Variants in MACROD2 observed in about 807,000 individuals in gnomAD.
MACROD2 encodes ADP-ribose glycohydrolase MACROD2.
Under a neutral mutation model 70.4 loss-of-function variants are expected in MACROD2, and 36 were observed. The ratio of observed to expected loss-of-function variants is 0.51; its 90% CI spans 0.39 to 0.68. MACROD2 has a LOEUF of 0.68. Among genes scored for constraint, MACROD2 ranks in the 30% least tolerant of loss-of-function variants. The pLI, the probability that MACROD2 is intolerant of heterozygous loss-of-function variation, is 0.00. For missense variants in MACROD2, 496 were observed against 538.4 expected, an observed-to-expected ratio of 0.92 and a Z score of 0.78; for synonymous variants, 172 against 178.8, an observed-to-expected ratio of 0.96 and a Z score of 0.30.
intron 4 of MACROD2, among the ~76,000 whole-genome samples, chr20:14,561,894 A>G (rs961895952): frequency 2.6e-5 from 4 of 151,948 alleles, no homozygotes. Context: ...AACAATTGGT[A>G]TGAGAAACAT....
intron 6 of MACROD2, among the ~76,000 whole-genome samples, chr20:15,361,434 C>A (rs899824098): frequency 6.6e-6 from 1 of 152,090 alleles, no homozygotes; most frequent in Non-Finnish European, 1.5e-5. Flanking sequence ...TGTGTCAGCC[C>A]CTCTGTCAAT....
intron 8 of MACROD2, among the ~76,000 whole-genome samples, chr20:15,690,744 C>T (rs1186384556): frequency 1.3e-5 from 2 of 152,126 alleles, no homozygotes; most frequent in Non-Finnish European, 2.9e-5. Flanking sequence ...TGTGGTCTTG[C>T]CTCTAAAAAC....
At chr20:15,386,712 CA>C (rs949640444) in intron 6 of MACROD2, among the ~76,000 whole-genome samples, 44 of 152,280 alleles carry the variant, frequency 2.9e-4, no homozygotes, top group Admixed American at 1.5e-3. Context: ...ATGTTCCTTC[CA>C]GGGGTGGGCC....
chr20:14,141,429 C>A (rs1569177012), intron 3 of MACROD2, among the ~76,000 whole-genome samples: 1 of 152,130 alleles, frequency 6.6e-6, no homozygotes, highest in Admixed American at 6.5e-5. Flanking sequence ...AGGAGATACA[C>A]CTATAATGCA....
At chr20:15,139,277 T>C (rs965783491) in intron 5 of MACROD2, among the ~76,000 whole-genome samples, 1 of 152,194 alleles carries the variant, frequency 6.6e-6, no homozygotes, top group Non-Finnish European at 1.5e-5. Context: ...AGGGAGTATA[T>C]AAATTGTCTT....
At chr20:15,429,856 G>A (rs2046342825) in intron 6 of MACROD2, among the ~76,000 whole-genome samples, 1 of 151,944 alleles carries the variant, frequency 6.6e-6, no homozygotes, top group African/African-American at 2.4e-5. Flanking sequence ...TGAAGACTAG[G>A]CTTTTAGTGT....
chr20:15,904,505 T>C (rs1294560452), intron 10 of MACROD2, among the ~76,000 whole-genome samples: 1 of 152,218 alleles, frequency 6.6e-6, no homozygotes, highest in Non-Finnish European at 1.5e-5. Flanking sequence ...TTATTGTTTT[T>C]GTCTTGTTGC....
chr20:14,600,445 T>C (rs1982421188), intron 4 of MACROD2, among the ~76,000 whole-genome samples: 1 of 151,752 alleles, frequency 6.6e-6, no homozygotes, highest in Non-Finnish European at 1.5e-5. Context: ...ATACAGTTAA[T>C]GTTTTACTTT....
At chr20:15,977,189 A>G (rs1023806381) in intron 13 of MACROD2, among the ~76,000 whole-genome samples, 2 of 152,202 alleles carry the variant, frequency 1.3e-5, no homozygotes, top group African/African-American at 4.8e-5. Context: ...TGGTGCGATG[A>G]TTAGGTTCAA....
At chr20:15,979,919 G>C (rs1416761469) in intron 13 of MACROD2, among the ~76,000 whole-genome samples, 2 of 152,170 alleles carry the variant, frequency 1.3e-5, no homozygotes, top group Non-Finnish European at 2.9e-5. Context: ...AGTTGTAGAA[G>C]GAAGGGCTTT....
At chr20:15,354,325 G>A (rs2078261859) in intron 6 of MACROD2, among the ~76,000 whole-genome samples, 1 of 151,970 alleles carries the variant, frequency 6.6e-6, no homozygotes, top group Non-Finnish European at 1.5e-5. Context: ...ACAGGAAGGG[G>A]AACATCACAC....
At chr20:15,286,081 ATT>A (rs2077488614) in intron 6 of MACROD2, among the ~76,000 whole-genome samples, 1 of 152,136 alleles carries the variant, frequency 6.6e-6, no homozygotes, top group Non-Finnish European at 1.5e-5. Context: ...ATTCAACTAT[ATT>A]TTAAAATGCT....
intron 5 of MACROD2, chr20:14,893,464 T>C (rs1488286471): frequency 1.3e-5 from 2 of 152,188 alleles, no homozygotes; most frequent in Admixed American, 6.5e-5. Context: ...TTTTTGATAA[T>C]AGCCATCCTA....
chr20:15,909,847 G>T (rs1053462445), intron 10 of MACROD2, among the ~76,000 whole-genome samples: 2 of 152,030 alleles, frequency 1.3e-5, no homozygotes, highest in Admixed American at 6.5e-5. Context: ...GAGACCTTGT[G>T]GAAGTCCTTT....
intron 4 of MACROD2, among the ~76,000 whole-genome samples, chr20:14,549,109 T>C (rs1978479396): frequency 6.6e-6 from 1 of 152,190 alleles, no homozygotes; most frequent in African/African-American, 2.4e-5. Context: ...GTCATGGAGA[T>C]CTGGGCAGTG....
chr20:14,397,049 C>T (rs1292578474), intron 3 of MACROD2, among the ~76,000 whole-genome samples: 1 of 127,756 alleles, frequency 7.8e-6, no homozygotes. Flanking sequence ...GGTTGGAGTG[C>T]AGTGGCGCAA....
intron 7 of MACROD2, among the ~76,000 whole-genome samples, chr20:15,434,340 A>AC: frequency 6.6e-6 from 1 of 152,014 alleles, no homozygotes; most frequent in Middle Eastern, 3.4e-3. Context: ...AGAAAAAAAA[A>AC]ATCCCATAAA....
intron 6 of MACROD2, among the ~76,000 whole-genome samples, chr20:15,259,804 C>T (rs1252540633): frequency 6.6e-6 from 1 of 151,742 alleles, no homozygotes; most frequent in Admixed American, 6.6e-5. Flanking sequence ...TTCTCTCTGG[C>T]CCCAGATATG....
chr20:14,352,838 C>T (rs1299579830), intron 3 of MACROD2, among the ~76,000 whole-genome samples: 2 of 151,628 alleles, frequency 1.3e-5, no homozygotes, highest in Admixed American at 6.6e-5. Context: ...CAACAATGCA[C>T]CACCCAGAAT....
Sources: allele counts gnomAD v4.1 joint callset (sites outside exome capture counted in the v4.1 genomes callset), GRCh38; gene constraint gnomAD v4.1.1; transcripts MANE v1.5; gene names NCBI Gene and HGNC (gene_info 2026-07-23, HGNC 2026-07-21).